ACSBG1: variants seen among roughly 807,000 people sequenced by gnomAD.
The protein encoded by ACSBG1 is long-chain-fatty-acid--CoA ligase ACSBG1.
ACSBG1 carries 39 observed loss-of-function variants against 80.2 expected under a neutral mutation model. The observed-to-expected ratio is 0.49, with a 90% CI of 0.38 to 0.64. The LOEUF (loss-of-function observed/expected upper bound fraction) is 0.64, where lower values mean the gene tolerates loss of function less well. Ranked by LOEUF, ACSBG1 falls within the 30% of genes least tolerant of loss-of-function variation. ACSBG1 has a pLI of 0.00. For synonymous variants in ACSBG1, 392 were observed against 379.5 expected (o/e 1.03, Z -0.38); for missense variants, 828 against 966.4 (o/e 0.86, Z 1.90).
At chr15:78,179,814 A>ACAC (rs778260371) in intron 9 of ACSBG1, 34 bp from the exon 10 acceptor site, 3 of 1,172,790 alleles carry the variant, frequency 2.6e-6, no homozygotes, top group Non-Finnish European at 3.6e-6. Flanking sequence ...CACAGAAGAA[A>ACAC]TCACACACAC....
Position 78,168,778 on chromosome 15 carries a change from G to T in ACSBG1, c.*2666C>A, listed in dbSNP as rs2074782900. On this transcript the variant is annotated 3_prime_UTR_variant, in exon 14 of 14. Transcript: ENST00000258873. ...TGGGCTGGGTAGATGGTGGTGGAGT[G>T]GTTCCTCACTTTGAAATGAGGAACT... 1.3e-5 allele frequency: 8 copies of T among 632,018 alleles called. No individual in the cohort carries two copies. The highest frequency in any genetic ancestry group is 9.4e-5 in the South Asian group (5 of 52,952). The allele number at this position is 632,018 out of a possible 1,614,324, so 39.2% of individuals were successfully genotyped here. A position where few individuals can be genotyped will look rare whatever the true frequency, so the allele number is the denominator to read the frequency against.
intron 2 of ACSBG1, among the ~76,000 whole-genome samples, chr15:78,196,771 C>T (rs2075117962): frequency 6.6e-6 from 1 of 152,110 alleles, no homozygotes; most frequent in Admixed American, 6.6e-5. Context: ...TGCTATTCAG[C>T]TCTGAAAAGG....
In ACSBG1 at chr15:78,168,778, G is replaced by GA; in HGVS notation, c.*2665_*2666insT. ...TGGGCTGGGTAGATGGTGGTGGAGT[G>GA]GTTCCTCACTTTGAAATGAGGAACT... On this transcript the variant is annotated 3_prime_UTR_variant, in exon 14 of 14. Coordinates refer to ENST00000258873, the MANE Select transcript of ACSBG1 (RefSeq NM_015162.5). The GA allele has an allele frequency of 1.6e-6, 1 of 632,018 alleles. No homozygotes were observed. The highest frequency in any genetic ancestry group is 2.9e-6 in the Non-Finnish European group (1 of 345,408). 39.2% of individuals were successfully genotyped at this position (632,018 alleles called of 1,614,324 possible). A position where few individuals can be genotyped will look rare whatever the true frequency, so the allele number is the denominator to read the frequency against.
intron 2 of ACSBG1, chr15:78,207,773 G>A: frequency 1.8e-6 from 1 of 546,180 alleles, no homozygotes. Context: ...CAGCTTTCTT[G>A]AAGAAGAAAT....
intron 1 of ACSBG1, among the ~76,000 whole-genome samples, chr15:78,221,305 C>A (rs558680788): frequency 6.6e-6 from 1 of 152,134 alleles, no homozygotes; most frequent in Admixed American, 6.5e-5. Flanking sequence ...GGGAGAAGAT[C>A]AGCAAGGAAA....
intron 1 of ACSBG1, among the ~76,000 whole-genome samples, chr15:78,222,705 G>T (rs1418263958): frequency 6.6e-6 from 1 of 152,212 alleles, no homozygotes; most frequent in Non-Finnish European, 1.5e-5. Context: ...CAGACGTGAG[G>T]TGGGATGGGG....
At chr15:78,232,924 AC>A (rs1439353161) in intron 1 of ACSBG1, among the ~76,000 whole-genome samples, 3 of 151,892 alleles carry the variant, frequency 2.0e-5, no homozygotes, top group Non-Finnish European at 4.4e-5. Context: ...TGGGTGATCC[AC>A]CCGACTCAGC....
intron 1 of ACSBG1, among the ~76,000 whole-genome samples, chr15:78,224,056 C>T (rs997329312): frequency 6.6e-6 from 1 of 152,176 alleles, no homozygotes; most frequent in Admixed American, 6.5e-5. Context: ...TTTTGAACTT[C>T]TGTCTTCCAG....
Position 78,178,753 on chromosome 15 carries a change from C to T in ACSBG1, c.1563G>A (p.Trp521Ter). 1 of 1,614,160 alleles carries T rather than the reference C, an allele frequency of 6.2e-7. No individual in the cohort carries two copies. The highest frequency in any genetic ancestry group is 8.5e-7 in the Non-Finnish European group (1 of 1,180,044). The change falls in exon 11 of 14, where the codon TGG becomes TGA. Residue 521 changes from tryptophan to a stop codon, truncating the protein, a stop_gained. Coordinates refer to ENST00000258873, the MANE Select transcript of ACSBG1 (RefSeq NM_015162.5). LOFTEE classifies it high-confidence loss of function. The surrounding 1 kb of genome is among the most constrained non-coding windows in gnomAD (Gnocchi z 4.3). Reference protein sequence around the residue: ...DAEGIGEICLWGRTIFMGYLN... With the variant: ...DAEGIGEICL ...GGTAGCCCATGAATATGGTGCGGCC[C>T]CACAGGCAGATCTCGCCAATGCCCT...
chr15:78,217,431 G>A lies in ACSBG1; in HGVS notation c.132-9329C>T, dbSNP rs929052281. Among the ~76,000 whole-genome samples, 15 of 152,250 alleles carry A rather than the reference G, an allele frequency of 9.9e-5. No individual in the cohort carries two copies. In the Middle Eastern group the frequency reaches 0.01, roughly 104 times the overall value. On this transcript the variant is annotated intron_variant, in intron 1 of 13. Coordinates refer to ENST00000258873, the MANE Select transcript of ACSBG1 (RefSeq NM_015162.5). ...ATGCTCCTAACAAGCCAGCCATACC[G>A]AATAGTCTCAGGCCTGTTGGGTGAC...
rs1173302442 is a variant in ACSBG1 at position 78,178,797 on chromosome 15, G to C, written c.1519C>G (p.Leu507Val). The C allele has an allele frequency of 6.2e-7, 1 of 1,613,510 alleles. No individual in the cohort carries two copies. Among genetic ancestry groups the C allele is most frequent in the Non-Finnish European group, 8.5e-7 (1 of 1,180,016 alleles). ...GKLVPGCRVK[L>V]VNQDAEGIGE... Reference sequence around the variant, plus strand: ...ATGCCCTCTGCGTCCTGGTTCACCAGCTTCACCCGACAGCCGGGCACCAAC... The same window carrying C: ...ATGCCCTCTGCGTCCTGGTTCACCACCTTCACCCGACAGCCGGGCACCAAC... The change falls in exon 11 of 14, where the codon CTG becomes GTG. Residue 507 changes from leucine to valine, a missense_variant. Transcript: ENST00000258873. The surrounding 1 kb of genome is among the most constrained non-coding windows in gnomAD (Gnocchi z 4.3).
chr15:78,217,029 T>C (rs946651636), intron 1 of ACSBG1, among the ~76,000 whole-genome samples: 1 of 152,202 alleles, frequency 6.6e-6, no homozygotes, highest in African/African-American at 2.4e-5. Flanking sequence ...TTTCCTCAGA[T>C]ATCACAGATA....
At chr15:78,214,195 G>T (rs2075290062) in intron 1 of ACSBG1, among the ~76,000 whole-genome samples, 1 of 152,176 alleles carries the variant, frequency 6.6e-6, no homozygotes. Context: ...CCGGTCTGTG[G>T]CAGCAGCCAG....
intron 5 of ACSBG1, among the ~76,000 whole-genome samples, chr15:78,190,617 C>A (rs2075048676): frequency 6.6e-6 from 1 of 150,868 alleles, no homozygotes; most frequent in Admixed American, 6.6e-5. Flanking sequence ...CTGTTGAAAG[C>A]AAGAGTAATA....
At chr15:78,205,539 C>T (rs979699905) in intron 2 of ACSBG1, among the ~76,000 whole-genome samples, 4 of 152,210 alleles carry the variant, frequency 2.6e-5, no homozygotes, top group African/African-American at 9.6e-5. Flanking sequence ...TTAAGAGTTC[C>T]ACCTCTTACC....
chr15:78,187,742 G>C (rs1249164274), intron 5 of ACSBG1, among the ~76,000 whole-genome samples: 1 of 152,186 alleles, frequency 6.6e-6, no homozygotes, highest in African/African-American at 2.4e-5. Context: ...AAAACTGGAA[G>C]CATTCCCTTT....
chr15:78,187,890 T>C (rs1455147853), intron 5 of ACSBG1, among the ~76,000 whole-genome samples: 34 of 152,288 alleles, frequency 2.2e-4, no homozygotes, highest in Non-Finnish European at 4.0e-4. Context: ...AAATTGTCCC[T>C]GTTTGCAGAT....
rs2074905421 is a variant in ACSBG1 at position 78,178,474 on chromosome 15, G to A, written c.1702+140C>T. 2.2e-6 allele frequency: 2 copies of A among 918,658 alleles called. No homozygotes were observed. Among genetic ancestry groups the A allele is most frequent in the Non-Finnish European group, 3.1e-6 (2 of 635,726 alleles). 56.9% of individuals were successfully genotyped at this position (918,658 alleles called of 1,614,324 possible). On this transcript the variant is annotated intron_variant, in intron 11 of 13. Coordinates refer to ENST00000258873, the MANE Select transcript of ACSBG1 (RefSeq NM_015162.5). The surrounding 1 kb of genome is among the most constrained non-coding windows in gnomAD (Gnocchi z 4.3). ...CCACCACGCCCAGCTAATTTTTCGT[G>A]TGTTTTTAGTAGAGATGGGGTTTCG...
In ACSBG1 at chr15:78,178,864, G is replaced by A. The variant is rs1407419170; in HGVS notation, c.1485-33C>T. ...GGGAGGGGCCGGGAGACTGGTCAGA[G>A]GGAGCCGTCTCCTCCAAGCCCCCAC... On this transcript the variant is annotated intron_variant, in intron 10 of 13. Coordinates refer to ENST00000258873, the MANE Select transcript of ACSBG1 (RefSeq NM_015162.5). The surrounding 1 kb of genome is among the most constrained non-coding windows in gnomAD (Gnocchi z 4.3). 2 of 1,570,736 alleles carry A rather than the reference G, an allele frequency of 1.3e-6. No homozygotes were observed. The highest frequency in any genetic ancestry group is 2.3e-5 in the East Asian group (1 of 42,722).
Sources: gnomAD v4.1 joint callset for allele counts (sites outside exome capture counted in the v4.1 genomes callset) on GRCh38, gnomAD v4.1.1 for gene constraint, Gnocchi (gnomAD v3.1) non-coding constraint, MANE v1.5 for transcripts, NCBI Gene and HGNC (gene_info 2026-07-23, HGNC 2026-07-21) for gene names.